Variants in CADM2 observed in about 807,000 individuals in gnomAD.
The protein encoded by CADM2 is cell adhesion molecule 2.
Under a neutral mutation model 49.8 loss-of-function variants are expected in CADM2, and 12 were observed. The observed-to-expected ratio is 0.24, with a 90% CI of 0.15 to 0.39. CADM2 has a LOEUF of 0.39. Among genes scored for constraint, CADM2 ranks in the 10% least tolerant of loss-of-function variants. CADM2 has a pLI of 1.00. For synonymous variants in CADM2, 214 were observed against 175.4 expected (o/e 1.22, Z -1.74); for missense variants, 378 against 492.3 (o/e 0.77, Z 2.20).
chr3:85,445,224 C>A (rs1027741748), intron 1 of CADM2, among the ~76,000 whole-genome samples: 7 of 152,124 alleles, frequency 4.6e-5, no homozygotes, highest in Admixed American at 4.6e-4. Context: ...AAACACCCTG[C>A]ATCCAGTGCT....
chr3:85,196,878 T>C (rs553456403), intron 1 of CADM2, among the ~76,000 whole-genome samples: 1 of 152,130 alleles, frequency 6.6e-6, no homozygotes, highest in African/African-American at 2.4e-5. Context: ...CCATCTTGCT[T>C]CAATTCCCTG....
intron 1 of CADM2, among the ~76,000 whole-genome samples, chr3:85,084,901 A>G (rs1367396552): frequency 6.6e-6 from 1 of 152,026 alleles, no homozygotes; most frequent in Non-Finnish European, 1.5e-5. Context: ...AGACCCTTGA[A>G]ATTATTTTCA....
chr3:85,902,453 TA>T (rs956039115), intron 5 of CADM2, among the ~76,000 whole-genome samples: 7 of 151,876 alleles, frequency 4.6e-5, no homozygotes, highest in Admixed American at 1.3e-4. Context: ...TTTTATCATT[TA>T]AAAAAATACA....
At chr3:85,901,318 T>A (rs1304940407) in intron 5 of CADM2, among the ~76,000 whole-genome samples, 2 of 152,238 alleles carry the variant, frequency 1.3e-5, no homozygotes, top group African/African-American at 4.8e-5. Context: ...TAAATTACCT[T>A]CCATTTGTGT....
chr3:85,599,696 TTA>T (rs1491017460), intron 1 of CADM2, among the ~76,000 whole-genome samples: 1 of 151,518 alleles, frequency 6.6e-6, no homozygotes, highest in Non-Finnish European at 1.5e-5. Flanking sequence ...AATTAAAAAA[TTA>T]TGTCAAATTT....
intron 1 of CADM2, among the ~76,000 whole-genome samples, chr3:85,217,117 T>G (rs2041945060): frequency 6.6e-6 from 1 of 151,892 alleles, no homozygotes. Flanking sequence ...AAGTAAGAAT[T>G]CTTAAGAAAA....
intron 1 of CADM2, among the ~76,000 whole-genome samples, chr3:85,161,477 G>A (rs1332613639): frequency 6.6e-6 from 1 of 152,042 alleles, no homozygotes; most frequent in African/African-American, 2.4e-5. Context: ...ATTCCTCCAA[G>A]TTCAGGGAAT....
chr3:85,044,985 C>T (rs931560579), intron 1 of CADM2, among the ~76,000 whole-genome samples: 1 of 152,042 alleles, frequency 6.6e-6, no homozygotes, highest in Non-Finnish European at 1.5e-5. Context: ...CACTCTACTT[C>T]TATATGACCA....
chr3:85,628,644 TACAC>T (rs947170107), intron 1 of CADM2, among the ~76,000 whole-genome samples: 1 of 148,192 alleles, frequency 6.7e-6, no homozygotes, highest in African/African-American at 2.5e-5. Flanking sequence ...TATACATATA[TACAC>T]ACACATATGT....
At chr3:85,955,530 C>A (rs1723949772) in intron 7 of CADM2, among the ~76,000 whole-genome samples, 1 of 151,444 alleles carries the variant, frequency 6.6e-6, no homozygotes, top group African/African-American at 2.4e-5. Flanking sequence ...TTTCCATTCT[C>A]AGTACCTAGG....
intron 1 of CADM2, among the ~76,000 whole-genome samples, chr3:85,146,943 AG>A (rs540391330): frequency 1.3e-5 from 2 of 152,088 alleles, no homozygotes; most frequent in Admixed American, 1.3e-4. Flanking sequence ...TAGTGGATTA[AG>A]GGGGGAAAAA....
chr3:85,508,280 C>T (rs1378723806), intron 1 of CADM2, among the ~76,000 whole-genome samples: 1 of 151,972 alleles, frequency 6.6e-6, no homozygotes, highest in Non-Finnish European at 1.5e-5. Flanking sequence ...TTAGACATTT[C>T]CCCCCCAAAA....
chr3:85,538,859 C>A (rs750598511), intron 1 of CADM2, among the ~76,000 whole-genome samples: 3 of 151,918 alleles, frequency 2.0e-5, no homozygotes, highest in Non-Finnish European at 4.4e-5. Context: ...CTACACTGAC[C>A]TTTAAGGACT....
At chr3:85,090,476 T>C (rs2107522347) in intron 1 of CADM2, among the ~76,000 whole-genome samples, 1 of 152,336 alleles carries the variant, frequency 6.6e-6, no homozygotes, top group African/African-American at 2.4e-5. Flanking sequence ...TAGATTTTTC[T>C]ATGCACTAAT....
In CADM2 at chr3:85,779,314, A is replaced by G. The variant is rs375122129; in HGVS notation, c.89-22733A>G. 3.3e-5 allele frequency among the ~76,000 whole-genome samples: 5 copies of G among 152,144 alleles called. No individual in the cohort carries two copies. In the East Asian group the frequency reaches 7.7e-4, roughly 24 times the overall value. On this transcript the variant is annotated intron_variant, in intron 2 of 9. Coordinates refer to ENST00000383699, the MANE Select transcript of CADM2 (RefSeq NM_001167675.2). ...CTTTAAAACAATCTTACCATGCCTA[A>G]AGCCTCTGCAGTTTTGCGCTGAGCA...
intron 1 of CADM2, among the ~76,000 whole-genome samples, chr3:85,337,244 T>G (rs535820246): frequency 1.3e-5 from 2 of 150,588 alleles, no homozygotes; most frequent in East Asian, 3.9e-4. Flanking sequence ...TATTTTAGTG[T>G]GATGATTTGT....
chr3:85,887,130 C>T (rs1161737224), intron 5 of CADM2, among the ~76,000 whole-genome samples: 1 of 152,142 alleles, frequency 6.6e-6, no homozygotes, highest in Admixed American at 6.6e-5. Flanking sequence ...CTCTGTCACG[C>T]AGGCTGGAAT....
chr3:85,654,676 G>A (rs1211967363), intron 1 of CADM2, among the ~76,000 whole-genome samples: 1 of 152,158 alleles, frequency 6.6e-6, no homozygotes, highest in Non-Finnish European at 1.5e-5. Context: ...GTGCCCATGA[G>A]TTTAAAATTG....
intron 1 of CADM2, among the ~76,000 whole-genome samples, chr3:84,971,365 C>T (rs918082071): frequency 2.0e-5 from 3 of 152,090 alleles, no homozygotes; most frequent in Non-Finnish European, 2.9e-5. Flanking sequence ...ATAACATTTA[C>T]AAACATATTT....
Sources: gnomAD v4.1 joint callset for allele counts (sites outside exome capture counted in the v4.1 genomes callset) on GRCh38, gnomAD v4.1.1 for gene constraint, MANE v1.5 for transcripts, NCBI Gene and HGNC (gene_info 2026-07-23, HGNC 2026-07-21) for gene names.